Variants in WDR11 observed in about 807,000 individuals in gnomAD.
WDR11 encodes the protein WD repeat-containing protein 11.
Under a neutral mutation model 151.2 loss-of-function variants are expected in WDR11, and 83 were observed. The ratio of observed to expected loss-of-function variants is 0.55; its 90% CI spans 0.46 to 0.66. The LOEUF is 0.66. WDR11 is among the 30% of genes least tolerant of loss of function. The pLI, the probability that WDR11 is intolerant of heterozygous loss-of-function variation, is 0.00. For synonymous variants in WDR11, 484 were observed against 533.1 expected, an observed-to-expected ratio of 0.91 and a Z score of 1.27; for missense variants, 1,301 against 1,480.9, an observed-to-expected ratio of 0.88 and a Z score of 1.99.
In WDR11 at chr10:120,908,709, A is replaced by C; in HGVS notation, c.3671A>C (p.Glu1224Ala). 6.2e-7 allele frequency: 1 copy of C among 1,614,098 alleles called. No individual in the cohort carries two copies. Among genetic ancestry groups the C allele is most frequent in the Non-Finnish European group, 8.5e-7 (1 of 1,180,030 alleles). ...LESPKEEPIE[E>A] ...TCCCCCAAGGAAGAACCCATTGAAG[A>C]GTGACAGCTTAATAAATGCCAGGGA... The change falls in exon 29 of 29, where the codon GAG (glutamate) becomes GCG (alanine). Residue 1224 changes from glutamate to alanine, a missense_variant. Coordinates refer to ENST00000263461, the MANE Select transcript of WDR11 (RefSeq NM_018117.12).
intron 25 of WDR11, among the ~76,000 whole-genome samples, chr10:120,905,115 G>C (rs1455782296): frequency 2.6e-5 from 4 of 152,136 alleles, no homozygotes. Flanking sequence ...TTATTCTCCA[G>C]ACTGTATTGT....
chr10:120,903,375 T>G (rs1847903460), intron 23 of WDR11, 143 bp downstream of exon 23: 2 of 1,029,064 alleles, frequency 1.9e-6, no homozygotes, highest in African/African-American at 1.6e-5. Flanking sequence ...CTGGGTGTGG[T>G]GGCACGTGCC....
intron 1 of WDR11, chr10:120,851,747 T>A: frequency 1.7e-6 from 1 of 595,442 alleles, no homozygotes; most frequent in Non-Finnish European, 3.0e-6. Flanking sequence ...TTCTCTGCTG[T>A]TTTCTCTGCA....
chr10:120,905,470 A>C, intron 26 of WDR11, 54 bp downstream of exon 26: 378 of 1,581,642 alleles, frequency 2.4e-4, no homozygotes, highest in Non-Finnish European at 2.9e-4. Context: ...TAGAAAGCTC[A>C]GTCCTGAACT....
intron 18 of WDR11, among the ~76,000 whole-genome samples, chr10:120,890,283 A>T (rs1323787360): frequency 6.6e-6 from 1 of 151,778 alleles, no homozygotes; most frequent in Non-Finnish European, 1.5e-5. Flanking sequence ...CGCGATCTCG[A>T]CTTATTGCAG....
At chr10:120,859,559 G>C (rs1049541819) in intron 3 of WDR11, among the ~76,000 whole-genome samples, 1 of 151,962 alleles carries the variant, frequency 6.6e-6, no homozygotes, top group African/African-American at 2.4e-5. Flanking sequence ...GAACCACTGC[G>C]CCCTGCCCAG....
chr10:120,852,477 G>A (rs1220964865), intron 1 of WDR11, 47 bp from the exon 2 acceptor site: 2 of 1,520,004 alleles, frequency 1.3e-6, no homozygotes, highest in East Asian at 2.3e-5. Context: ...GAAAGAAGTC[G>A]TCCTGCTTTG....
At chr10:120,901,438 C>T (rs557186720) in intron 21 of WDR11, among the ~76,000 whole-genome samples, 5 of 152,244 alleles carry the variant, frequency 3.3e-5, no homozygotes, top group South Asian at 2.1e-4. Context: ...CAGCGGGAGA[C>T]GAATCGCAGG....
At chr10:120,886,104 T>C (rs1847206796) in intron 15 of WDR11, among the ~76,000 whole-genome samples, 166 bp downstream of exon 15, 1 of 152,212 alleles carries the variant, frequency 6.6e-6, no homozygotes, top group Admixed American at 6.5e-5. Context: ...AAGATAATTT[T>C]ATCATTTTTA....
At chr10:120,861,331 C>T (rs1230956747) in intron 4 of WDR11, among the ~76,000 whole-genome samples, 1 of 152,078 alleles carries the variant, frequency 6.6e-6, no homozygotes, top group African/African-American at 2.4e-5. Flanking sequence ...CTACAGGGTG[C>T]TTAGGCTTTT....
At chr10:120,905,517 A>C (rs1464426619) in intron 26 of WDR11, 101 bp downstream of exon 26, 17 of 1,268,132 alleles carry the variant, frequency 1.3e-5, no homozygotes, top group Non-Finnish European at 1.8e-5. Flanking sequence ...TTGGCCTGCA[A>C]AGCTGCTTTG....
chr10:120,875,969 C>CTTTTTTTT (rs1307798276), intron 11 of WDR11, among the ~76,000 whole-genome samples: 1 of 131,136 alleles, frequency 7.6e-6, no homozygotes, highest in African/African-American at 2.8e-5. Context: ...AAGGGTTAAC[C>CTTTTTTTT]TTTTTTTTCT....
chr10:120,895,561 G>A (rs1044895582), intron 19 of WDR11, among the ~76,000 whole-genome samples: 1 of 151,944 alleles, frequency 6.6e-6, no homozygotes, highest in Non-Finnish European at 1.5e-5. Context: ...ATAAACGAAA[G>A]TGTTCAATAA....
intron 19 of WDR11, among the ~76,000 whole-genome samples, chr10:120,896,047 G>A (rs570477827): frequency 4.9e-4 from 75 of 152,282 alleles, no homozygotes; most frequent in African/African-American, 1.6e-3. Flanking sequence ...GAAAAAAGCC[G>A]AACTGCTTAG....
rs1429640312 is a variant in WDR11 at position 120,862,750 on chromosome 10, G to C, written c.542G>C (p.Gly181Ala). 8 of 1,614,058 alleles carry C rather than the reference G, an allele frequency of 5.0e-6. No individual in the cohort carries two copies. Among genetic ancestry groups the C allele is most frequent in the Non-Finnish European group, 5.9e-6 (7 of 1,180,002 alleles). Residue 181 changes from glycine (G) to alanine (A), a missense_variant, in exon 5 of 29, where the codon GGT (glycine) becomes GCT (alanine). By Grantham distance (60) the Gly-to-Ala change is moderately conservative (BLOSUM62 0). Coordinates refer to ENST00000263461, the MANE Select transcript of WDR11 (RefSeq NM_018117.12). Reference protein sequence around the residue: ...PSHLTLLTSEGIVFISDFSPS... With the variant: ...PSHLTLLTSEAIVFISDFSPS... ...CTCAATATAGTGCTTACCAGCGAGG[G>C]TATTGTTTTCATCTCAGACTTCTCC...
chr10:120,898,154 A>G (rs1002661708), intron 19 of WDR11, among the ~76,000 whole-genome samples: 2 of 152,206 alleles, frequency 1.3e-5, no homozygotes, highest in Non-Finnish European at 2.9e-5. Flanking sequence ...GTTTTATTTC[A>G]ACATATAATC....
rs1165970562 is a variant in WDR11 at position 120,904,160 on chromosome 10, A to G, written c.3027+18A>G. On this transcript the variant is annotated intron_variant, in intron 24 of 28. Coordinates refer to ENST00000263461, the MANE Select transcript of WDR11 (RefSeq NM_018117.12). ...TGGGTCAAGTATGTCAGTTTTTATAACTCTACATGCTTCATTAAATTGCTA... is the reference window on the plus strand; with the variant it reads ...TGGGTCAAGTATGTCAGTTTTTATAGCTCTACATGCTTCATTAAATTGCTA... 1 of 1,540,790 alleles carries G rather than the reference A, an allele frequency of 6.5e-7. No homozygotes were observed. Among genetic ancestry groups the G allele is most frequent in the Non-Finnish European group, 9.0e-7 (1 of 1,113,650 alleles).
intron 1 of WDR11, chr10:120,851,758 C>T (rs1325245688): frequency 5.2e-6 from 3 of 581,230 alleles, no homozygotes; most frequent in Admixed American, 2.9e-5. Flanking sequence ...TTTCTCTGCA[C>T]CTCGCCCTTT....
intron 14 of WDR11, chr10:120,884,956 A>G (rs1192616852): frequency 6.6e-6 from 1 of 152,288 alleles, no homozygotes; most frequent in African/African-American, 2.4e-5. Context: ...CGGGTGGAAC[A>G]TAGGGTATGG....
Sources: gnomAD v4.1 joint callset for allele counts (sites outside exome capture counted in the v4.1 genomes callset) on GRCh38, gnomAD v4.1.1 for gene constraint, MANE v1.5 for transcripts, NCBI Gene and HGNC (gene_info 2026-07-23, HGNC 2026-07-21) for gene names.